SLC9A2: variants seen among roughly 807,000 people sequenced by gnomAD.
The protein encoded by SLC9A2 is sodium/hydrogen exchanger 2.
A neutral mutation model predicts 71.7 loss-of-function variants in SLC9A2; 42 were observed. That is an observed-to-expected ratio of 0.59 (90% CI 0.46 to 0.76). The LOEUF (loss-of-function observed/expected upper bound fraction) is 0.76. Among genes scored for constraint, SLC9A2 ranks in the 30% least tolerant of loss-of-function variants. The pLI is 0.00. For synonymous variants in SLC9A2, 396 were observed against 392.5 expected, an observed-to-expected ratio of 1.01 and a Z score of -0.10; for missense variants, 829 against 1,017.4, an observed-to-expected ratio of 0.81 and a Z score of 2.52.
At chr2:102,648,035 A>G (rs1345426431) in intron 1 of SLC9A2, among the ~76,000 whole-genome samples, 1 of 152,174 alleles carries the variant, frequency 6.6e-6, no homozygotes, top group Admixed American at 6.5e-5. Flanking sequence ...CAGAGACACA[A>G]CAAAAAAAGA....
intron 3 of SLC9A2, among the ~76,000 whole-genome samples, chr2:102,666,513 C>T (rs1055515454): frequency 6.6e-6 from 1 of 152,032 alleles, no homozygotes; most frequent in Non-Finnish European, 1.5e-5. Context: ...GCTTTTTAAA[C>T]AAAGATGCAG....
chr2:102,654,788 T>C (rs1676906755), intron 1 of SLC9A2, among the ~76,000 whole-genome samples: 1 of 152,226 alleles, frequency 6.6e-6, no homozygotes, highest in Non-Finnish European at 1.5e-5. Context: ...CTAGGCTATA[T>C]GGTGTTGTCT....
intron 5 of SLC9A2, among the ~76,000 whole-genome samples, chr2:102,684,821 T>C (rs1677518555): frequency 6.6e-6 from 1 of 152,228 alleles, no homozygotes; most frequent in Admixed American, 6.5e-5. Flanking sequence ...ATCTTTAAGT[T>C]AAGATGCCAA....
chr2:102,646,090 C>T (rs1316746560), intron 1 of SLC9A2, among the ~76,000 whole-genome samples: 4 of 152,210 alleles, frequency 2.6e-5, no homozygotes, highest in African/African-American at 9.6e-5. Flanking sequence ...GCCCATCAGA[C>T]TAACAGTAGA....
chr2:102,694,949 T>G (rs1197124804), intron 6 of SLC9A2, 94 bp from the exon 7 acceptor site: 2 of 1,004,884 alleles, frequency 2.0e-6, no homozygotes, highest in Non-Finnish European at 3.1e-6. Context: ...GCAAAAGCCA[T>G]GAAGGTCTTT....
At chr2:102,620,638 A>C (rs1206705389) in intron 1 of SLC9A2, among the ~76,000 whole-genome samples, 5 of 152,200 alleles carry the variant, frequency 3.3e-5, no homozygotes, top group Non-Finnish European at 7.4e-5. Context: ...TTGCAGCTGC[A>C]ATAGGAACGC....
At chr2:102,696,971 G>A (rs148289794) in intron 7 of SLC9A2, among the ~76,000 whole-genome samples, 219 of 152,260 alleles carry the variant, frequency 1.4e-3, no homozygotes, top group African/African-American at 4.5e-3. Context: ...GTCCCCATCT[G>A]TGCTAAGCCA....
intron 1 of SLC9A2, among the ~76,000 whole-genome samples, chr2:102,647,175 A>G (rs1236322898): frequency 6.6e-6 from 1 of 152,224 alleles, no homozygotes; most frequent in African/African-American, 2.4e-5. Flanking sequence ...AAACCACAGA[A>G]CTACATGGAA....
At chr2:102,675,210 T>G (rs2104533446) in intron 3 of SLC9A2, among the ~76,000 whole-genome samples, 1 of 152,304 alleles carries the variant, frequency 6.6e-6, no homozygotes, top group African/African-American at 2.4e-5. Flanking sequence ...GGAATGTTGA[T>G]GATGCTTGGG....
intron 9 of SLC9A2, 82 bp downstream of exon 9, chr2:102,702,584 T>C (rs1677894852): frequency 1.2e-6 from 1 of 800,514 alleles, no homozygotes; most frequent in Non-Finnish European, 2.1e-6. Context: ...AACTGGAGGC[T>C]GCATCTTGAC....
intron 1 of SLC9A2, among the ~76,000 whole-genome samples, chr2:102,642,339 T>C (rs939536168): frequency 6.6e-6 from 1 of 152,192 alleles, no homozygotes; most frequent in Non-Finnish European, 1.5e-5. Context: ...GCTGAGGAAG[T>C]TCATTTCTAT....
intron 10 of SLC9A2, 136 bp downstream of exon 10, chr2:102,704,811 G>T: frequency 3.3e-6 from 3 of 896,810 alleles, no homozygotes; most frequent in Non-Finnish European, 3.4e-6. Context: ...GAAGGCTGGG[G>T]TGGCCGGGGG....
intron 7 of SLC9A2, among the ~76,000 whole-genome samples, chr2:102,696,973 G>C (rs1677779730): frequency 6.6e-6 from 1 of 152,148 alleles, no homozygotes; most frequent in South Asian, 2.1e-4. Flanking sequence ...CCCCATCTGT[G>C]CTAAGCCAGT....
chr2:102,667,129 C>G (rs1272170383), intron 3 of SLC9A2, among the ~76,000 whole-genome samples: 1 of 152,142 alleles, frequency 6.6e-6, no homozygotes, highest in Non-Finnish European at 1.5e-5. Context: ...CACAGAGAAA[C>G]CTAAATAAAG....
At chr2:102,654,203 T>C (rs1217191038) in intron 1 of SLC9A2, among the ~76,000 whole-genome samples, 2 of 147,376 alleles carry the variant, frequency 1.4e-5, no homozygotes, top group African/African-American at 5.1e-5. Context: ...CTCTTTTTTT[T>C]TTTTTTTTTT....
intron 1 of SLC9A2, among the ~76,000 whole-genome samples, chr2:102,656,505 C>T: frequency 6.6e-6 from 1 of 152,186 alleles, no homozygotes; most frequent in Non-Finnish European, 1.5e-5. Flanking sequence ...GTCGTAAATA[C>T]ATTTTGGGAA....
intron 5 of SLC9A2, among the ~76,000 whole-genome samples, chr2:102,689,208 A>G (rs1355222031): frequency 1.3e-5 from 2 of 152,140 alleles, no homozygotes; most frequent in Non-Finnish European, 2.9e-5. Flanking sequence ...GGGACCCGCG[A>G]TGGATGTCTG....
chr2:102,683,306 T>G lies in SLC9A2; in HGVS notation c.1050T>G (p.Asn350Lys). The G allele has an allele frequency of 6.2e-7, 1 of 1,613,790 alleles. No individual in the cohort carries two copies. The highest frequency in any genetic ancestry group is 8.5e-7 in the Non-Finnish European group (1 of 1,179,856). Residue 350 changes from asparagine to lysine, a missense_variant, in exon 4 of 12, where the codon AAT (asparagine) becomes AAG (lysine). Asn to Lys is a moderately conservative substitution (Grantham distance 94, BLOSUM62 0). Transcript: ENST00000233969. ...AMTMNKYVEE[N>K]VSQKSYTTIK... ...CTATGAATAAGTACGTAGAAGAAAA[T>G]GTATCTCAGAAATCCTACACGACCA...
chr2:102,677,091 C>T (rs1196457793), intron 3 of SLC9A2, among the ~76,000 whole-genome samples: 1 of 152,160 alleles, frequency 6.6e-6, no homozygotes, highest in Non-Finnish European at 1.5e-5. Flanking sequence ...ACTATAGGCA[C>T]AGACCATGCT....
Sources: gnomAD v4.1 joint callset for allele counts (sites outside exome capture counted in the v4.1 genomes callset) on GRCh38, gnomAD v4.1.1 for gene constraint, MANE v1.5 for transcripts, NCBI Gene and HGNC (gene_info 2026-07-23, HGNC 2026-07-21) for gene names.